SBNO1: variants seen among roughly 807,000 people sequenced by gnomAD.
SBNO1 encodes the protein strawberry notch homolog 1, also known as protein strawberry notch homolog 1.
In SBNO1, 23 loss-of-function variants were observed where a neutral mutation model predicts 173.6. The ratio of observed to expected loss-of-function variants is 0.13; its 90% CI spans 0.10 to 0.19. The LOEUF (loss-of-function observed/expected upper bound fraction) is 0.19, where lower values mean the gene tolerates loss of function less well. SBNO1 is among the 10% of genes least tolerant of loss of function. The pLI, the probability that SBNO1 is intolerant of heterozygous loss-of-function variation, is 1.00. For synonymous variants in SBNO1, 632 were observed against 571.5 expected (o/e 1.11, Z -1.51); for missense variants, 1,238 against 1,671.2 (o/e 0.74, Z 4.52).
chr12:123,303,032 A>C, intron 29 of SBNO1, 132 bp from the exon 30 acceptor site: 1 of 660,884 alleles, frequency 1.5e-6, no homozygotes, highest in Non-Finnish European at 2.7e-6. Flanking sequence ...CTTGCTATTA[A>C]CTGAATCTGA....
At chr12:123,302,773 A>T in intron 30 of SBNO1, 51 bp downstream of exon 30, 3 of 1,137,182 alleles carry the variant, frequency 2.6e-6, no homozygotes, top group Non-Finnish European at 2.7e-6. Context: ...AGGTGTATTT[A>T]AATCTCAATT....
intron 3 of SBNO1, among the ~76,000 whole-genome samples, chr12:123,347,027 G>A (rs1350774227): frequency 6.8e-6 from 1 of 146,542 alleles, no homozygotes; most frequent in Admixed American, 7.0e-5. Context: ...GCAGCGAGCC[G>A]AGATGGTGCC....
In SBNO1 at chr12:123,327,545, T is replaced by G. The variant is rs372932746; in HGVS notation, c.1573A>C (p.Met525Leu). ...GCAATGTACATTCCTCTAAGCTTCA[T>G]ATCCATAGCAACTATTTCCATGGCA... ...VGAMEIVAMDMKLRGMYIARQ... is the reference protein window; with the variant it reads ...VGAMEIVAMDLKLRGMYIARQ... The change falls in exon 13 of 32, where the codon ATG (methionine) becomes CTG (leucine). Residue 525 changes from methionine (M) to leucine (L), a missense_variant. Met to Leu is a conservative substitution (Grantham distance 15, BLOSUM62 2). This residue lies in a region of SBNO1 where 182 missense variants were observed against 339.9 expected (regional missense o/e 0.54). Transcript: ENST00000602398. The G allele has an allele frequency of 1.2e-6, 2 of 1,613,824 alleles. No individual in the cohort carries two copies. Among genetic ancestry groups the G allele is most frequent in the African/African-American group, 2.7e-5 (2 of 74,908 alleles).
At position 123,345,362 on chromosome 12, in the gene SBNO1, T is replaced by G. The variant is rs887260775; in HGVS notation, c.446A>C (p.Lys149Thr). 6.2e-7 allele frequency: 1 copy of G among 1,614,066 alleles called. No homozygotes were observed. The highest frequency in any genetic ancestry group is 8.5e-7 in the Non-Finnish European group (1 of 1,180,024). ...VRNAMTSAPSKDQVQLKDLLK... is the reference protein window; with the variant it reads ...VRNAMTSAPSTDQVQLKDLLK... ...TAGATCTTTAAGCTGAACTTGGTCT[T>G]TTGAAGGTGCAGAGGTCATGGCATT... Residue 149 changes from lysine (K) to threonine (T), a missense_variant, in exon 4 of 32, where the codon AAA becomes ACA. Transcript: ENST00000602398.
chr12:123,290,327 T>C lies in SBNO1; in HGVS notation c.*5581A>G, dbSNP rs574308911. On this transcript the variant is annotated 3_prime_UTR_variant, in exon 32 of 32. Transcript: ENST00000602398. ...TACATTTTTCACCAAGTCTACCAAG[T>C]TGAATAGTAATGAATGAAACTTGTA... is the stretch of plus-strand genomic sequence containing the variant. The C allele has an allele frequency of 1.3e-5, 2 of 152,230 alleles. No individual in the cohort carries two copies. The highest frequency in any genetic ancestry group is 1.9e-4 in the East Asian group (1 of 5,186). 9.4% of individuals were successfully genotyped at this position (152,230 alleles called of 1,614,324 possible). A position where few individuals can be genotyped will look rare whatever the true frequency, so the allele number is the denominator to read the frequency against.
chr12:123,311,200 A>G (rs1868452137), intron 24 of SBNO1, 71 bp from the exon 25 acceptor site: 2 of 1,128,760 alleles, frequency 1.8e-6, no homozygotes, highest in Admixed American at 3.5e-5. Context: ...AAGTGAGAAA[A>G]GTATGTTGTA....
chr12:123,360,636 G>A (rs191651077), intron 1 of SBNO1, among the ~76,000 whole-genome samples: 16 of 151,842 alleles, frequency 1.1e-4, no homozygotes, highest in Non-Finnish European at 1.8e-4. Context: ...AGTAGACAGG[G>A]GTTTCATCGT....
intron 1 of SBNO1, 112 bp downstream of exon 1, chr12:123,364,589 G>T (rs1875903449): frequency 2.0e-6 from 2 of 983,234 alleles, no homozygotes; most frequent in South Asian, 9.4e-5. Context: ...CCAAGCCGGG[G>T]CGAGGTGGCT....
chr12:123,325,469 G>T (rs748888924), intron 15 of SBNO1, 33 bp downstream of exon 15: 1 of 1,496,518 alleles, frequency 6.7e-7, no homozygotes, highest in East Asian at 2.3e-5. Context: ...AACTCAAAAA[G>T]AAACAAAAAC....
rs940264526 is a variant in SBNO1, at chr12:123,319,772, C to T, written c.2799+128G>A. 9 of 789,368 alleles carry T rather than the reference C, an allele frequency of 1.1e-5. No homozygotes were observed. The Admixed American group carries it at 1.6e-4, about 14-fold the overall frequency. 48.9% of individuals were successfully genotyped at this position (789,368 alleles called of 1,614,324 possible). A position where few individuals can be genotyped will look rare whatever the true frequency, so the allele number is the denominator to read the frequency against. ...GTACAATATTCAGTATGTACAATTACTAAAAAATACAGAATGACAATACTC... is the reference window on the plus strand; with the variant it reads ...GTACAATATTCAGTATGTACAATTATTAAAAAATACAGAATGACAATACTC... On this transcript the variant is annotated intron_variant, in intron 20 of 31. Transcript: ENST00000602398.
intron 5 of SBNO1, among the ~76,000 whole-genome samples, chr12:123,338,267 T>C (rs1362176850): frequency 6.6e-6 from 1 of 152,092 alleles, no homozygotes; most frequent in Admixed American, 6.6e-5. Flanking sequence ...AAAATACATT[T>C]GTCAGCCAGG....
At position 123,292,622 on chromosome 12, in the gene SBNO1, T is replaced by C. The variant is rs557225936; in HGVS notation, c.*3286A>G. Reference sequence around the variant, plus strand: ...CATATTCCTCTGGAGCTTGGTAATATAGAAATTTTACCTCTACAGATGAGG... The same window carrying C: ...CATATTCCTCTGGAGCTTGGTAATACAGAAATTTTACCTCTACAGATGAGG... On this transcript the variant is annotated 3_prime_UTR_variant, in exon 32 of 32. Coordinates refer to ENST00000602398, the MANE Select transcript of SBNO1 (RefSeq NM_001167856.3). 15 of 152,268 alleles carry C rather than the reference T, an allele frequency of 9.9e-5. No individual in the cohort carries two copies. Among genetic ancestry groups the C allele is most frequent in the African/African-American group, 1.4e-4 (6 of 41,550 alleles). The allele number at this position is 152,268 out of a possible 1,614,324, so 9.4% of individuals were successfully genotyped here. A position where few individuals can be genotyped will look rare whatever the true frequency, so the allele number is the denominator to read the frequency against.
intron 31 of SBNO1, 27 bp from the exon 32 acceptor site, chr12:123,296,077 AGTT>A (rs762242783): frequency 6.6e-7 from 1 of 1,504,712 alleles, no homozygotes; most frequent in South Asian, 1.1e-5. Flanking sequence ...GAATTTATCA[AGTT>A]GTGTCCAGAA....
chr12:123,301,169 T>C (rs1458292685), intron 30 of SBNO1, among the ~76,000 whole-genome samples: 1 of 151,826 alleles, frequency 6.6e-6, no homozygotes, highest in Non-Finnish European at 1.5e-5. Flanking sequence ...CACCATGCCC[T>C]GCTAATTTTT....
At chr12:123,300,263 G>A (rs538562878) in intron 30 of SBNO1, among the ~76,000 whole-genome samples, 1 of 152,296 alleles carries the variant, frequency 6.6e-6, no homozygotes, top group East Asian at 1.9e-4. Flanking sequence ...GTCTTGCTGT[G>A]TTGAGGAGGT....
intron 1 of SBNO1, among the ~76,000 whole-genome samples, chr12:123,355,127 TCTC>T (rs1418271956): frequency 6.6e-6 from 1 of 151,794 alleles, no homozygotes; most frequent in Non-Finnish European, 1.5e-5. Flanking sequence ...TTCAAGCAAT[TCTC>T]CTGCCTCAGC....
rs1036209899 is a variant in SBNO1 at position 123,297,865 on chromosome 12, C to T, written c.4039+113G>A. On this transcript the variant is annotated intron_variant, in intron 31 of 31. Transcript: ENST00000602398. Reference sequence around the variant, plus strand: ...AAATATAAAACGGGTCCCATACCCACTACTGGAAGAGATGTTAGATGCATG... The same window carrying T: ...AAATATAAAACGGGTCCCATACCCATTACTGGAAGAGATGTTAGATGCATG... The T allele has an allele frequency of 3.3e-6, 3 of 920,312 alleles. No homozygotes were observed. The African/African-American group carries it at 5.0e-5, about 15-fold the overall frequency. 57.0% of individuals were successfully genotyped at this position (920,312 alleles called of 1,614,324 possible).
At chr12:123,363,611 A>T (rs1875663829) in intron 1 of SBNO1, among the ~76,000 whole-genome samples, 1 of 152,180 alleles carries the variant, frequency 6.6e-6, no homozygotes, top group African/African-American at 2.4e-5. Flanking sequence ...TGTTCAGTAC[A>T]AACTTCCGGG....
At chr12:123,348,279 C>T (rs1204293848) in intron 2 of SBNO1, 146 bp from the exon 3 acceptor site, 12 of 515,416 alleles carry the variant, frequency 2.3e-5, no homozygotes, top group Admixed American at 3.1e-5. Context: ...ATGTAATAAT[C>T]TTTGCAAGCA....
Sources: allele counts gnomAD v4.1 joint callset (sites outside exome capture counted in the v4.1 genomes callset), GRCh38; gene constraint gnomAD v4.1.1; regional missense constraint gnomAD v4.1.1; transcripts MANE v1.5; gene names NCBI Gene and HGNC (gene_info 2026-07-23, HGNC 2026-07-21).